CNTNAP2: variants seen among roughly 807,000 people sequenced by gnomAD.
The protein encoded by CNTNAP2 is contactin associated protein 2.
In CNTNAP2, 98 loss-of-function variants were observed where a neutral mutation model predicts 155.2. That is an observed-to-expected ratio of 0.63 (90% CI 0.54 to 0.75). The LOEUF is 0.75. CNTNAP2 is among the 30% of genes least tolerant of loss of function. The probability of loss-of-function intolerance (pLI) is 0.00; values close to 1 mark genes in which losing one functional copy is unlikely to be tolerated. For missense variants in CNTNAP2, 1,727 were observed against 1,688.1 expected (o/e 1.02, Z -0.40); for synonymous variants, 651 against 631.2 (o/e 1.03, Z -0.47).
intron 13 of CNTNAP2, among the ~76,000 whole-genome samples, chr7:147,669,757 C>T (rs544951776): frequency 1.3e-5 from 2 of 152,324 alleles, no homozygotes; most frequent in Non-Finnish European, 2.9e-5. Context: ...GCCTCCTGGA[C>T]TCATCTCTTG....
intron 13 of CNTNAP2, among the ~76,000 whole-genome samples, chr7:147,864,240 A>C (rs1183435500): frequency 1.3e-5 from 2 of 152,056 alleles, no homozygotes; most frequent in African/African-American, 4.8e-5. Flanking sequence ...ATGGTTATAG[A>C]TGTGTGGTGT....
intron 2 of CNTNAP2, among the ~76,000 whole-genome samples, chr7:146,807,916 C>A (rs1166376839): frequency 6.6e-6 from 1 of 152,084 alleles, no homozygotes; most frequent in African/African-American, 2.4e-5. Context: ...CATTTTTTCA[C>A]TCTGGCATAG....
chr7:146,507,907 T>C (rs1258131423), intron 1 of CNTNAP2, among the ~76,000 whole-genome samples: 1 of 152,198 alleles, frequency 6.6e-6, no homozygotes, highest in Non-Finnish European at 1.5e-5. Context: ...AAACTGTTCC[T>C]GGCTCTCTGG....
intron 12 of CNTNAP2, among the ~76,000 whole-genome samples, chr7:147,575,681 T>G (rs1442045203): frequency 6.6e-6 from 1 of 151,970 alleles, no homozygotes; most frequent in East Asian, 1.9e-4. Flanking sequence ...ACCAAATAGT[T>G]CAAATACATG....
At chr7:146,948,806 T>C (rs906849652) in intron 3 of CNTNAP2, among the ~76,000 whole-genome samples, 1 of 152,172 alleles carries the variant, frequency 6.6e-6, no homozygotes, top group African/African-American at 2.4e-5. Context: ...AGCTTTTTTC[T>C]TTACAACACA....
Position 147,108,097 on chromosome 7 carries a change from A to T in CNTNAP2, c.551-50A>T, listed in dbSNP as rs1377039305. On this transcript the variant is annotated intron_variant, in intron 4 of 23. Transcript: ENST00000361727. ...CTTTGCAGACACCTGTTGGAAGTGG[A>T]TGGTAACATACATGGCTGAACTAAT... The T allele has an allele frequency of 3.3e-6, 5 of 1,527,674 alleles. No homozygotes were observed. The African/African-American group carries it at 6.9e-5, about 21-fold the overall frequency. 94.6% of individuals were successfully genotyped at this position (1,527,674 alleles called of 1,614,324 possible). A position where few individuals can be genotyped will look rare whatever the true frequency, so the allele number is the denominator to read the frequency against.
chr7:146,896,060 T>C (rs1795870692), intron 3 of CNTNAP2, among the ~76,000 whole-genome samples: 1 of 152,098 alleles, frequency 6.6e-6, no homozygotes, highest in South Asian at 2.1e-4. Flanking sequence ...TTTAAGGTGA[T>C]TTATTGGGAT....
intron 3 of CNTNAP2, among the ~76,000 whole-genome samples, chr7:146,922,917 G>A (rs753657781): frequency 2.6e-5 from 4 of 152,086 alleles, no homozygotes; most frequent in Non-Finnish European, 5.9e-5. Flanking sequence ...TATGTAAAAG[G>A]TTTTACTTCT....
intron 22 of CNTNAP2, among the ~76,000 whole-genome samples, chr7:148,395,817 G>GTGAT (rs1799454280): frequency 6.6e-6 from 1 of 152,086 alleles, no homozygotes; most frequent in South Asian, 2.1e-4. Context: ...TGAAACTCCA[G>GTGAT]TGATAAAAAA....
intron 20 of CNTNAP2, among the ~76,000 whole-genome samples, chr7:148,261,296 G>T (rs756915067): frequency 3.3e-5 from 5 of 152,118 alleles, no homozygotes; most frequent in Non-Finnish European, 5.9e-5. Context: ...AAGTAGCTGG[G>T]ACCACAGGCG....
chr7:147,097,720 T>G (rs1800569816), intron 4 of CNTNAP2: 1 of 152,154 alleles, frequency 6.6e-6, no homozygotes, highest in South Asian at 2.1e-4. Flanking sequence ...CAGATGAATT[T>G]GAAAAGGATA....
chr7:148,239,797 G>A (rs1328318591), intron 20 of CNTNAP2, among the ~76,000 whole-genome samples: 1 of 152,124 alleles, frequency 6.6e-6, no homozygotes, highest in African/African-American at 2.4e-5. Context: ...TGGCCAGCCC[G>A]TATGCAAGGA....
At position 146,474,996 on chromosome 7, in the gene CNTNAP2, C is replaced by T. The variant is rs572617997; in HGVS notation, c.98-299275C>T. On this transcript the variant is annotated intron_variant, in intron 1 of 23. Coordinates refer to ENST00000361727, the MANE Select transcript of CNTNAP2 (RefSeq NM_014141.6). ...TGAAACATATGCCTGAGCACGAGCG[C>T]GCACGCGCGCGCGCGCGCACACACA... Among the ~76,000 whole-genome samples the T allele has an allele frequency of 2.3e-3, 301 of 132,626 alleles. 1 individual carries two copies. Among genetic ancestry groups the T allele is most frequent in the Middle Eastern group, 4.2e-3 (1 of 238 alleles). 87.0% of individuals were successfully genotyped at this position (132,626 alleles called of 152,430 possible). A position where few individuals can be genotyped will look rare whatever the true frequency, so the allele number is the denominator to read the frequency against.
chr7:147,073,480 C>T (rs551736377), intron 4 of CNTNAP2, among the ~76,000 whole-genome samples: 74 of 152,162 alleles, frequency 4.9e-4, no homozygotes, highest in South Asian at 2.1e-3. Context: ...ATAGGACAAA[C>T]GACAAATTGT....
At chr7:148,061,958 G>GATAGATAAACAGAT (rs1563185438) in intron 15 of CNTNAP2, among the ~76,000 whole-genome samples, 113 of 29,836 alleles carry the variant, frequency 3.8e-3, no homozygotes, top group Non-Finnish European at 6.0e-3. Flanking sequence ...AACAGATATA[G>GATAGATAAACAGAT]ATAGATAGAT....
intron 12 of CNTNAP2, among the ~76,000 whole-genome samples, chr7:147,601,644 A>AAAAAATATATATATATAT (rs1299075338): frequency 8.0e-5 from 7 of 87,458 alleles, no homozygotes; most frequent in African/African-American, 3.0e-4. Flanking sequence ...CTTAAAAAAA[A>AAAAAATATATATATATAT]ATATATATAT....
Position 148,109,665 on chromosome 7 carries a change from T to A in CNTNAP2, c.2384-8453T>A, listed in dbSNP as rs200377666. Among the ~76,000 whole-genome samples, 7 of 52,834 alleles carry A rather than the reference T, an allele frequency of 1.3e-4. 1 individual carries two copies. The highest frequency in any genetic ancestry group is 3.2e-3 in the East Asian group (1 of 308). 34.7% of individuals were successfully genotyped at this position (52,834 alleles called of 152,430 possible). On this transcript the variant is annotated intron_variant, in intron 15 of 23. Coordinates refer to ENST00000361727, the MANE Select transcript of CNTNAP2 (RefSeq NM_014141.6). Reference sequence around the variant, plus strand: ...TCCCAAAGTGCTGGGATTACAGGCGTTGAGATTCTATTTCTGTAACTGGGT... The same window carrying A: ...TCCCAAAGTGCTGGGATTACAGGCGATGAGATTCTATTTCTGTAACTGGGT...
At chr7:147,625,290 G>C (rs1332864359) in intron 12 of CNTNAP2, among the ~76,000 whole-genome samples, 1 of 152,182 alleles carries the variant, frequency 6.6e-6, no homozygotes, top group African/African-American at 2.4e-5. Context: ...ATAAATGCTT[G>C]AGTGGATGGA....
intron 9 of CNTNAP2, among the ~76,000 whole-genome samples, chr7:147,379,809 C>G (rs1201040898): frequency 2.0e-5 from 3 of 151,922 alleles, no homozygotes; most frequent in African/African-American, 7.3e-5. Flanking sequence ...TACTTGATTT[C>G]TAATTCTGTT....
Sources: allele counts gnomAD v4.1 joint callset (sites outside exome capture counted in the v4.1 genomes callset), GRCh38; gene constraint gnomAD v4.1.1; transcripts MANE v1.5; gene names NCBI Gene and HGNC (gene_info 2026-07-23, HGNC 2026-07-21).